Variants in COG6 observed in about 807,000 individuals in gnomAD.
COG6 encodes conserved oligomeric Golgi complex subunit 6.
In COG6, 74 loss-of-function variants were observed where a neutral mutation model predicts 88.8. That is an observed-to-expected ratio of 0.83 (90% confidence interval 0.69 to 1.01). The LOEUF is 1.01. Among genes scored for constraint, COG6 ranks in the 50% least tolerant of loss-of-function variants. COG6 has a pLI of 0.00. For missense variants in COG6, 800 were observed against 797.9 expected (o/e 1.00, Z -0.03); for synonymous variants, 286 against 278.7 (o/e 1.03, Z -0.26).
rs374821573 is a variant in COG6, at chr13:39,655,684, C to T, written c.-43C>T. 51 of 1,555,048 alleles carry T rather than the reference C, an allele frequency of 3.3e-5. 1 individual carries two copies. The Middle Eastern group carries it at 1.2e-3, about 36-fold the overall frequency. ...AATACTCGCGCTGCCTCCGTGGTCC[C>T]TGCCTGGCTGAGGTGGCAGCAGGGG... On this transcript the variant is annotated 5_prime_UTR_variant, in exon 1 of 19. Transcript: ENST00000455146.
At chr13:39,693,959 C>A (rs565188403) in intron 11 of COG6, among the ~76,000 whole-genome samples, 1 of 151,922 alleles carries the variant, frequency 6.6e-6, no homozygotes, top group Non-Finnish European at 1.5e-5. Flanking sequence ...AGGACAGATA[C>A]AATATTTAAG....
chr13:39,717,389 T>C (rs1267142460), intron 13 of COG6, among the ~76,000 whole-genome samples: 1 of 152,162 alleles, frequency 6.6e-6, no homozygotes, highest in Non-Finnish European at 1.5e-5. Context: ...TGTCATTGTT[T>C]CTTCACTGCC....
intron 18 of COG6, among the ~76,000 whole-genome samples, chr13:39,787,463 G>A (rs1881809902): frequency 6.6e-6 from 1 of 152,130 alleles, no homozygotes; most frequent in Non-Finnish European, 1.5e-5. Flanking sequence ...TTTTACAGAT[G>A]AGAAACAGAT....
chr13:39,755,121 A>C (rs1880790550), downstream of COG6, among the ~76,000 whole-genome samples: 1 of 152,206 alleles, frequency 6.6e-6, no homozygotes, highest in African/African-American at 2.4e-5. Flanking sequence ...AAAAATGATC[A>C]AAGTCAACTT....
At chr13:39,756,646 G>A (rs1386528439), downstream of COG6, among the ~76,000 whole-genome samples, 1 of 151,676 alleles carries the variant, frequency 6.6e-6, no homozygotes, top group African/African-American at 2.4e-5. Flanking sequence ...AATTCATCAC[G>A]TACAAGTGAT....
In COG6 at chr13:39,655,804, G is replaced by GA. The variant is rs747597087; in HGVS notation, c.79dup (p.Thr27AsnfsTer15). 1 of 1,598,780 alleles carries GA rather than the reference G, an allele frequency of 6.3e-7. No individual in the cohort carries two copies. Among genetic ancestry groups the GA allele is most frequent in the South Asian group, 1.1e-5 (1 of 88,942 alleles). ...ACGGCCTCAACAATGGGGCAGGCGG[G>GA]ACCTCGGCGACGACCTGCAACCCGC... is the stretch of plus-strand genomic sequence containing the variant. On this transcript the variant is annotated frameshift_variant, in exon 1 of 19. Coordinates refer to ENST00000455146, the MANE Select transcript of COG6 (RefSeq NM_020751.3). LOFTEE classifies it high-confidence loss of function.
intron 18 of COG6, among the ~76,000 whole-genome samples, chr13:39,733,285 G>A (rs1879555622): frequency 6.6e-6 from 1 of 150,794 alleles, no homozygotes; most frequent in Non-Finnish European, 1.5e-5. Context: ...CTGCGTCCTG[G>A]GTGCAAGCCA....
At chr13:39,693,378 A>G (rs1877090286) in intron 11 of COG6, among the ~76,000 whole-genome samples, 1 of 151,846 alleles carries the variant, frequency 6.6e-6, no homozygotes, top group Non-Finnish European at 1.5e-5. Flanking sequence ...TGATGCCTCA[A>G]AATTCTGGAA....
At chr13:39,755,541 A>C (rs1169587493), downstream of COG6, among the ~76,000 whole-genome samples, 2 of 152,210 alleles carry the variant, frequency 1.3e-5, no homozygotes, top group African/African-American at 2.4e-5. Context: ...TTTGGAAGAA[A>C]GGTTGGGAAT....
chr13:39,728,509 C>T (rs531022008), intron 18 of COG6, among the ~76,000 whole-genome samples: 2 of 150,870 alleles, frequency 1.3e-5, no homozygotes, highest in South Asian at 4.2e-4. Flanking sequence ...TAGGAAAGTT[C>T]CATTTTAGGT....
chr13:39,718,508 C>T (rs1878660183), intron 13 of COG6, among the ~76,000 whole-genome samples: 1 of 152,012 alleles, frequency 6.6e-6, no homozygotes, highest in Non-Finnish European at 1.5e-5. Context: ...ACTTGGCATA[C>T]CTTCTACTTA....
At chr13:39,735,161 G>A (rs1879667725) in intron 18 of COG6, among the ~76,000 whole-genome samples, 1 of 151,648 alleles carries the variant, frequency 6.6e-6, no homozygotes, top group Non-Finnish European at 1.5e-5. Flanking sequence ...TTGTTGTTCT[G>A]TGATTTTCAC....
chr13:39,750,740 G>A (rs1880577579), intron 18 of COG6, among the ~76,000 whole-genome samples: 1 of 152,082 alleles, frequency 6.6e-6, no homozygotes. Context: ...TAGTAATGGA[G>A]AAAGATTTAA....
chr13:39,737,062 G>C (rs1879787341), intron 18 of COG6, among the ~76,000 whole-genome samples: 1 of 152,168 alleles, frequency 6.6e-6, no homozygotes, highest in Non-Finnish European at 1.5e-5. Flanking sequence ...GGCTCTTGCA[G>C]ACTCAATGAG....
At chr13:39,766,336 C>T (rs931365649) in intron 18 of COG6, among the ~76,000 whole-genome samples, 3 of 152,176 alleles carry the variant, frequency 2.0e-5, no homozygotes, top group African/African-American at 7.2e-5. Context: ...CATTCAGAGG[C>T]TTCTGGAGTA....
intron 13 of COG6, among the ~76,000 whole-genome samples, chr13:39,707,870 G>A (rs1217969226): frequency 6.6e-6 from 1 of 151,992 alleles, no homozygotes; most frequent in Non-Finnish European, 1.5e-5. Flanking sequence ...TACATGTGTT[G>A]GTGGACATAA....
chr13:39,768,296 T>C (rs1881224130), intron 18 of COG6, among the ~76,000 whole-genome samples: 1 of 152,242 alleles, frequency 6.6e-6, no homozygotes, highest in South Asian at 2.1e-4. Context: ...GGGGACCAGC[T>C]GGGCAGCTGA....
chr13:39,689,166 A>T (rs1266681100), intron 10 of COG6, among the ~76,000 whole-genome samples: 2 of 152,208 alleles, frequency 1.3e-5, no homozygotes, highest in Non-Finnish European at 2.9e-5. Flanking sequence ...AATAGACTGT[A>T]GTTAGTTGAA....
chr13:39,768,297 G>A (rs1042317339), intron 18 of COG6, among the ~76,000 whole-genome samples: 3 of 152,218 alleles, frequency 2.0e-5, no homozygotes, highest in Non-Finnish European at 4.4e-5. Flanking sequence ...GGGACCAGCT[G>A]GGCAGCTGAA....
Sources: gnomAD v4.1 joint callset for allele counts (sites outside exome capture counted in the v4.1 genomes callset) on GRCh38, gnomAD v4.1.1 for gene constraint, MANE v1.5 for transcripts, NCBI Gene and HGNC (gene_info 2026-07-23, HGNC 2026-07-21) for gene names.